The following FMN1 variants were observed in gnomAD, a reference collection of about 807,000 sequenced individuals.
FMN1 encodes the protein formin-1.
FMN1 carries 110 observed loss-of-function variants against 132.4 expected under a neutral mutation model. That is an observed-to-expected ratio of 0.83 (90% confidence interval 0.71 to 0.97). The LOEUF is 0.97. Among genes scored for constraint, FMN1 ranks in the 50% least tolerant of loss-of-function variants. The probability of loss-of-function intolerance (pLI) is 0.00; values close to 1 mark genes in which losing one functional copy is unlikely to be tolerated. For synonymous variants in FMN1, 722 were observed against 651.7 expected (o/e 1.11, Z -1.64); for missense variants, 1,792 against 1,705.3 (o/e 1.05, Z -0.90).
At chr15:32,796,647 A>C (rs1392168362) in intron 19 of FMN1, among the ~76,000 whole-genome samples, 1 of 152,248 alleles carries the variant, frequency 6.6e-6, no homozygotes, top group Non-Finnish European at 1.5e-5. Flanking sequence ...TGCTTATTTT[A>C]CCATAATGAA....
At chr15:33,106,171 G>C (rs1010869332) in intron 4 of FMN1, 5 of 151,892 alleles carry the variant, frequency 3.3e-5, no homozygotes, top group Admixed American at 6.6e-5. Context: ...AGTACTTCCT[G>C]GTTGCCACCT....
intron 17 of FMN1, among the ~76,000 whole-genome samples, chr15:32,836,744 G>T (rs1171607460): frequency 6.6e-6 from 1 of 151,890 alleles, no homozygotes; most frequent in Non-Finnish European, 1.5e-5. Context: ...TTTAAAATCT[G>T]AAAACAAGCT....
intron 6 of FMN1, among the ~76,000 whole-genome samples, chr15:33,017,005 C>A (rs2035088459): frequency 6.6e-6 from 1 of 152,084 alleles, no homozygotes; most frequent in Admixed American, 6.6e-5. Context: ...CTTTTCATGC[C>A]CTTGTGTGTG....
intron 7 of FMN1, among the ~76,000 whole-genome samples, chr15:32,995,688 T>G (rs192930068): frequency 1.3e-5 from 2 of 152,208 alleles, no homozygotes; most frequent in Non-Finnish European, 2.9e-5. Context: ...ATGAGAGAGA[T>G]AAAGTGTAAG....
At chr15:33,066,963 G>C (rs1566884719) in intron 5 of FMN1, 2 of 1,613,962 alleles carry the variant, frequency 1.2e-6, no homozygotes, top group South Asian at 1.1e-5. Flanking sequence ...GTCAATTTGA[G>C]CAAAGCTAAG....
intron 4 of FMN1, among the ~76,000 whole-genome samples, chr15:33,097,086 G>A (rs955155683): frequency 2.0e-5 from 3 of 151,978 alleles, no homozygotes; most frequent in African/African-American, 7.3e-5. Flanking sequence ...TTAAGCTCAC[G>A]AGTTCAAGAC....
chr15:33,008,532 A>T (rs962315452), intron 6 of FMN1, among the ~76,000 whole-genome samples: 2 of 152,200 alleles, frequency 1.3e-5, no homozygotes, highest in African/African-American at 4.8e-5. Context: ...ATTTGAATGC[A>T]AGGCTAAGTA....
At chr15:32,796,108 A>G (rs2057281184) in intron 19 of FMN1, among the ~76,000 whole-genome samples, 1 of 152,220 alleles carries the variant, frequency 6.6e-6, no homozygotes, top group South Asian at 2.1e-4. Context: ...CTTGTTATGA[A>G]GATGCATTCA....
chr15:33,095,225 G>A (rs923502114), intron 4 of FMN1, among the ~76,000 whole-genome samples: 1 of 152,082 alleles, frequency 6.6e-6, no homozygotes, highest in Non-Finnish European at 1.5e-5. Flanking sequence ...GGTGGTGCCT[G>A]TAATCCCAGC....
intron 6 of FMN1, among the ~76,000 whole-genome samples, chr15:33,018,694 G>C (rs942099556): frequency 6.6e-6 from 1 of 152,168 alleles, no homozygotes; most frequent in Non-Finnish European, 1.5e-5. Context: ...TGAAGCTGCG[G>C]ACCCTTGCCA....
At chr15:33,143,124 A>ACC (rs1964073794) in intron 4 of FMN1, among the ~76,000 whole-genome samples, 1 of 152,192 alleles carries the variant, frequency 6.6e-6, no homozygotes, top group African/African-American at 2.4e-5. Context: ...TGTTCCCCAA[A>ACC]GGTTTGACTT....
chr15:33,115,676 T>C (rs1328706446), intron 4 of FMN1, among the ~76,000 whole-genome samples: 1 of 152,136 alleles, frequency 6.6e-6, no homozygotes, highest in African/African-American at 2.4e-5. Flanking sequence ...TGGAAATTCT[T>C]GCCTGTTTCC....
chr15:33,115,382 G>A (rs1018193470), intron 4 of FMN1, among the ~76,000 whole-genome samples: 1 of 152,088 alleles, frequency 6.6e-6, no homozygotes, highest in African/African-American at 2.4e-5. Context: ...TAAGAAGATG[G>A]CATATTTTCA....
At chr15:33,108,486 G>C (rs1338072798) in intron 4 of FMN1, among the ~76,000 whole-genome samples, 7 of 152,000 alleles carry the variant, frequency 4.6e-5, no homozygotes, top group African/African-American at 1.4e-4. Flanking sequence ...TAAGTTATTA[G>C]ATTGCAAGGT....
At chr15:32,965,312 A>G (rs567419076) in intron 8 of FMN1, among the ~76,000 whole-genome samples, 7 of 152,092 alleles carry the variant, frequency 4.6e-5, no homozygotes, top group Non-Finnish European at 7.4e-5. Context: ...AGGCAGGAGA[A>G]TTGCTTGAAC....
intron 5 of FMN1, among the ~76,000 whole-genome samples, chr15:33,086,738 T>C (rs1248515459): frequency 6.6e-6 from 1 of 152,240 alleles, no homozygotes; most frequent in African/African-American, 2.4e-5. Flanking sequence ...CGCACAACTT[T>C]ATATATGGGA....
chr15:32,940,979 T>C (rs1424579257), intron 9 of FMN1, among the ~76,000 whole-genome samples: 2 of 151,354 alleles, frequency 1.3e-5, no homozygotes, highest in African/African-American at 2.5e-5. Context: ...AAGGAGTTAG[T>C]TAGCTTGCCT....
At chr15:32,890,723 T>C (rs2060006979) in intron 15 of FMN1, among the ~76,000 whole-genome samples, 2 of 152,216 alleles carry the variant, frequency 1.3e-5, no homozygotes, top group African/African-American at 4.8e-5. Context: ...CCTTTTGAGG[T>C]ACCAAAGCTC....
chr15:33,102,904 G>C (rs1160953963), intron 4 of FMN1, among the ~76,000 whole-genome samples: 2 of 152,004 alleles, frequency 1.3e-5, no homozygotes, highest in African/African-American at 4.8e-5. Context: ...TGATATTCCT[G>C]TTTAAAATAG....
Sources: gnomAD v4.1 joint callset for allele counts (sites outside exome capture counted in the v4.1 genomes callset) on GRCh38, gnomAD v4.1.1 for gene constraint, MANE v1.5 for transcripts, NCBI Gene and HGNC (gene_info 2026-07-23, HGNC 2026-07-21) for gene names.